ABHD2: variants seen among roughly 807,000 people sequenced by gnomAD.
ABHD2 encodes the protein abhydrolase domain containing 2, acylglycerol lipase.
In ABHD2, 20 loss-of-function variants were observed where a neutral mutation model predicts 48.1. The observed-to-expected ratio is 0.42, with a 90% confidence interval of 0.29 to 0.60. The LOEUF is 0.60. Ranked by LOEUF, ABHD2 falls within the 20% of genes least tolerant of loss-of-function variation. ABHD2 has a pLI of 0.24. For synonymous variants in ABHD2, 209 were observed against 214.2 expected, an observed-to-expected ratio of 0.98 and a Z score of 0.21; for missense variants, 405 against 550.9, an observed-to-expected ratio of 0.74 and a Z score of 2.65.
Position 89,100,489 on chromosome 15 carries a change from C to T in ABHD2, c.-107+11926C>T, listed in dbSNP as rs1487136234. 6.6e-6 allele frequency among the ~76,000 whole-genome samples: 1 copy of T among 152,062 alleles called. No individual in the cohort carries two copies. Among genetic ancestry groups the T allele is most frequent in the Non-Finnish European group, 1.5e-5 (1 of 68,004 alleles). On this transcript the variant is annotated intron_variant, in intron 1 of 10. Coordinates refer to ENST00000352732, the MANE Select transcript of ABHD2 (RefSeq NM_152924.5). This position sits in a 1 kb window ranked among gnomAD's most constrained non-coding sequence, Gnocchi z 4.4. Reference sequence around the variant, plus strand: ...AGATCCTGCAAGTAGCCTCTCTACCCCACCACCAATGTACATCTACAGAAA... The same window carrying T: ...AGATCCTGCAAGTAGCCTCTCTACCTCACCACCAATGTACATCTACAGAAA...
intron 3 of ABHD2, among the ~76,000 whole-genome samples, chr15:89,123,563 T>G (rs1286127279): frequency 2.0e-5 from 3 of 151,270 alleles, no homozygotes; most frequent in Admixed American, 6.6e-5. Context: ...TAGTTATTTC[T>G]CTTTTTTTTT....
At chr15:89,170,199 G>A (rs949922593) in intron 5 of ABHD2, among the ~76,000 whole-genome samples, 3 of 135,656 alleles carry the variant, frequency 2.2e-5, no homozygotes, top group African/African-American at 5.4e-5. Context: ...AGGCTCAAGC[G>A]ATTCTCCCAC....
At chr15:89,076,668 G>A in the ABHD2 span, among the ~76,000 whole-genome samples, 1 of 152,008 alleles carries the variant, frequency 6.6e-6, no homozygotes, top group African/African-American at 2.4e-5. Flanking sequence ...TATTTTTGTA[G>A]AGATGAGGTC....
chr15:89,148,978 G>A (rs1282241676), intron 3 of ABHD2, among the ~76,000 whole-genome samples: 11 of 151,792 alleles, frequency 7.2e-5, no homozygotes, highest in Admixed American at 7.2e-4. Context: ...TTTTTCTTGT[G>A]GTCTGTGGAT....
At position 89,173,756 on chromosome 15, in the gene ABHD2, A is replaced by T. The variant is rs56262702; in HGVS notation, c.539-2056A>T. ...AATCCACTCAATTCAGCAACTCTTT[A>T]TTGAAGGCCTGCAAACTGCCCCAGC... On this transcript the variant is annotated intron_variant, in intron 5 of 10. Transcript: ENST00000352732. This position sits in a 1 kb window ranked among gnomAD's most constrained non-coding sequence, Gnocchi z 6.5. 3.4e-3 allele frequency among the ~76,000 whole-genome samples: 512 copies of T among 152,292 alleles called. 2 individuals are homozygous for T. The highest frequency in any genetic ancestry group is 0.011 in the African/African-American group (473 of 41,562).
intron 10 of ABHD2, among the ~76,000 whole-genome samples, chr15:89,194,369 C>T (rs1455337619): frequency 6.6e-6 from 1 of 151,876 alleles, no homozygotes; most frequent in African/African-American, 2.4e-5. Flanking sequence ...CGTGGTGGTA[C>T]ATGCTACTGG....
At position 89,186,174 on chromosome 15, in the gene ABHD2, C is replaced by T. The variant is rs191930736; in HGVS notation, c.815+658C>T. On this transcript the variant is annotated intron_variant, in intron 7 of 10. Transcript: ENST00000352732. This position sits in a 1 kb window ranked among gnomAD's most constrained non-coding sequence, Gnocchi z 4.3. ...GGGATCAGGACTCATTCTTGGCTGGCGCTTGGGCTTCTGACCAAGCAGCAG... is the reference window on the plus strand; with the variant it reads ...GGGATCAGGACTCATTCTTGGCTGGTGCTTGGGCTTCTGACCAAGCAGCAG... Among the ~76,000 whole-genome samples the T allele has an allele frequency of 1.3e-5, 2 of 152,192 alleles. No individual in the cohort carries two copies. Among genetic ancestry groups the T allele is most frequent in the East Asian group, 1.9e-4 (1 of 5,158 alleles).
At chr15:89,055,051 C>G in the ABHD2 span, among the ~76,000 whole-genome samples, 2 of 151,920 alleles carry the variant, frequency 1.3e-5, no homozygotes, top group Non-Finnish European at 2.9e-5. Context: ...CCTAGCAAGA[C>G]CCCATCTCTA....
chr15:89,133,109 A>G (rs1339336686), intron 3 of ABHD2, among the ~76,000 whole-genome samples: 1 of 152,182 alleles, frequency 6.6e-6, no homozygotes, highest in East Asian at 1.9e-4. Context: ...TTTATCAGCC[A>G]GTAGAACCTA....
chr15:89,199,352 T>C lies in ABHD2; in HGVS notation c.*3929T>C, dbSNP rs1201213724. ...AAGTCACTCATAGGTCTTTGTCCTT[T>C]AGGCAGGACAGGAGAGTCATTAAGA... On this transcript the variant is annotated 3_prime_UTR_variant, in exon 11 of 11. Coordinates refer to ENST00000352732, the MANE Select transcript of ABHD2 (RefSeq NM_152924.5). The surrounding 1 kb of genome is among the most constrained non-coding windows in gnomAD (Gnocchi z 4.1). 2.0e-5 allele frequency: 3 copies of C among 152,610 alleles called. No homozygotes were observed. Among genetic ancestry groups the C allele is most frequent in the Admixed American group, 6.5e-5 (1 of 15,280 alleles). The allele number at this position is 152,610 out of a possible 1,614,324, so 9.5% of individuals were successfully genotyped here. A position where few individuals can be genotyped will look rare whatever the true frequency, so the allele number is the denominator to read the frequency against.
Position 89,197,946 on chromosome 15 carries a change from T to G in ABHD2, c.*2523T>G, listed in dbSNP as rs1452968275. 6.6e-6 allele frequency: 1 copy of G among 152,236 alleles called. No individual in the cohort carries two copies. Among genetic ancestry groups the G allele is most frequent in the Non-Finnish European group, 1.5e-5 (1 of 68,046 alleles). The allele number at this position is 152,236 out of a possible 1,614,324, so 9.4% of individuals were successfully genotyped here. On this transcript the variant is annotated 3_prime_UTR_variant, in exon 11 of 11. Transcript: ENST00000352732. This position sits in a 1 kb window ranked among gnomAD's most constrained non-coding sequence, Gnocchi z 4.4. ...TTAGGCATGGAAATGAGAATGTGAC[T>G]GTGGCTGTCTTACAGGAAAATTCTT...
intron 3 of ABHD2, among the ~76,000 whole-genome samples, chr15:89,148,410 G>C (rs1016043622): frequency 5.3e-5 from 8 of 151,720 alleles, no homozygotes; most frequent in African/African-American, 1.9e-4. Flanking sequence ...CCATTTTTTT[G>C]CCCATCAAAG....
chr15:89,050,663 G>T, the ABHD2 span, among the ~76,000 whole-genome samples: 4 of 152,184 alleles, frequency 2.6e-5, no homozygotes, highest in African/African-American at 9.7e-5. Flanking sequence ...GGGATGGGAG[G>T]TGGAGAGGAG....
chr15:89,090,921 G>C (rs1042857135), intron 1 of ABHD2, among the ~76,000 whole-genome samples: 1 of 152,184 alleles, frequency 6.6e-6, no homozygotes. Context: ...TTAGTCATTC[G>C]AATAGGGGGA....
At chr15:89,130,511 G>A (rs2150843100) in intron 3 of ABHD2, among the ~76,000 whole-genome samples, 1 of 152,286 alleles carries the variant, frequency 6.6e-6, no homozygotes, top group South Asian at 2.1e-4. Flanking sequence ...GGTTGGTCCG[G>A]TAAAGCCCCT....
chr15:89,148,543 A>G (rs936439660), intron 3 of ABHD2, among the ~76,000 whole-genome samples: 2 of 152,258 alleles, frequency 1.3e-5, no homozygotes, highest in Non-Finnish European at 2.9e-5. Context: ...ACTTGGCAGT[A>G]TCTACAAAAT....
At position 89,166,240 on chromosome 15, in the gene ABHD2, G is replaced by C. The variant is rs1285247367; in HGVS notation, c.539-9572G>C. Among the ~76,000 whole-genome samples the C allele has an allele frequency of 1.3e-5, 2 of 152,202 alleles. No individual in the cohort carries two copies. Among genetic ancestry groups the C allele is most frequent in the Non-Finnish European group, 2.9e-5 (2 of 68,036 alleles). On this transcript the variant is annotated intron_variant, in intron 5 of 10. Coordinates refer to ENST00000352732, the MANE Select transcript of ABHD2 (RefSeq NM_152924.5). This position sits in a 1 kb window ranked among gnomAD's most constrained non-coding sequence, Gnocchi z 4.6. ...GGATCATGAGCCTTCTAAGAACTTA[G>C]TACCCATCTCCCACCAAAACACCAA...
chr15:89,201,351 C>T lies in ABHD2; in HGVS notation c.*5928C>T, dbSNP rs901312932. 27 of 1,042,468 alleles carry T rather than the reference C, an allele frequency of 2.6e-5. No individual in the cohort carries two copies. The highest frequency in any genetic ancestry group is 3.3e-5 in the Non-Finnish European group (22 of 674,868). The allele number at this position is 1,042,468 out of a possible 1,614,324, so 64.6% of individuals were successfully genotyped here. ...GCACTGTGTGGTTGTGGCGTGGGCC[C>T]GTCTTGCTTAGATGCATTCAGTGGG... On this transcript the variant is annotated 3_prime_UTR_variant, in exon 11 of 11. Coordinates refer to ENST00000352732, the MANE Select transcript of ABHD2 (RefSeq NM_152924.5).
intron 1 of ABHD2, among the ~76,000 whole-genome samples, chr15:89,095,021 G>A (rs1034938819): frequency 3.7e-5 from 5 of 136,724 alleles, no homozygotes; most frequent in African/African-American, 1.5e-4. Context: ...CCAAGATTGA[G>A]CTACTGTACT....
Sources: gnomAD v4.1 joint callset for allele counts (sites outside exome capture counted in the v4.1 genomes callset) on GRCh38, gnomAD v4.1.1 for gene constraint, Gnocchi (gnomAD v3.1) non-coding constraint, MANE v1.5 for transcripts, NCBI Gene and HGNC (gene_info 2026-07-23, HGNC 2026-07-21) for gene names.